The following ETV4 variants were observed in gnomAD, a reference collection of about 807,000 sequenced individuals.
ETV4 encodes the protein ETS variant transcription factor 4.
A neutral mutation model predicts 65.9 loss-of-function variants in ETV4; 42 were observed. The observed-to-expected ratio is 0.64, with a 90% CI of 0.50 to 0.82. ETV4 has a LOEUF of 0.82. Among genes scored for constraint, ETV4 ranks in the 40% least tolerant of loss-of-function variants. ETV4 has a pLI of 0.00. For synonymous variants in ETV4, 238 were observed against 260.0 expected (o/e 0.92, Z 0.81); for missense variants, 583 against 630.3 (o/e 0.92, Z 0.80).
In ETV4 at chr17:43,545,370, G is replaced by A. The variant is rs374666792; in HGVS notation, c.61-3C>T. On this transcript the variant is annotated splice_region_variant and splice_polypyrimidine_tract_variant and intron_variant, in intron 2 of 12. Coordinates refer to ENST00000319349, the MANE Select transcript of ETV4 (RefSeq NM_001079675.5). ...AAGCTCCCATTTCCGGGCGATTTCTGCGAGAAGCGGGGAGAATGCCCGCGA... is the reference window on the plus strand; with the variant it reads ...AAGCTCCCATTTCCGGGCGATTTCTACGAGAAGCGGGGAGAATGCCCGCGA... 1.1e-5 allele frequency: 18 copies of A among 1,584,222 alleles called. No homozygotes were observed. The African/African-American group carries it at 2.3e-4, about 20-fold the overall frequency.
chr17:43,543,179 G>A (rs1294688340), intron 4 of ETV4, among the ~76,000 whole-genome samples: 2 of 150,916 alleles, frequency 1.3e-5, no homozygotes, highest in Non-Finnish European at 1.5e-5. Flanking sequence ...AGATCCCAGC[G>A]CCCACCCCCC....
chr17:43,545,362 C>A lies in ETV4; in HGVS notation c.66G>T (p.Ser22=), dbSNP rs765158515. 14 of 1,592,186 alleles carry A rather than the reference C, an allele frequency of 8.8e-6. 1 individual carries two copies. In the South Asian group the frequency reaches 1.6e-4, roughly 18 times the overall value. The change falls in exon 3 of 13, where the codon TCG becomes TCT. Residue 22 remains serine, a synonymous_variant. Transcript: ENST00000319349. ...CTTCGCGCAAGCTCCCATTTCCGGGCGATTTCTGCGAGAAGCGGGGAGAAT... is the reference window on the plus strand; with the variant it reads ...CTTCGCGCAAGCTCCCATTTCCGGGAGATTTCTGCGAGAAGCGGGGAGAAT... The part of the protein sequence containing the change: ...QQVPYTFSSK[S]PGNGSLREAL...
intron 4 of ETV4, among the ~76,000 whole-genome samples, chr17:43,538,140 CAAAAAAA>C (rs34924870): frequency 9.0e-6 from 1 of 110,750 alleles, no homozygotes; most frequent in Admixed American, 9.5e-5. Flanking sequence ...GACTCCATTT[CAAAAAAA>C]AAAAAAAAAA....
At chr17:43,543,717 C>T (rs141928235) in intron 4 of ETV4, among the ~76,000 whole-genome samples, 5 of 152,270 alleles carry the variant, frequency 3.3e-5, no homozygotes, top group African/African-American at 9.6e-5. Context: ...CTTGCAGGGT[C>T]GGGGATGATG....
At chr17:43,543,276 A>ACTCTCTCTCTCTCTCT (rs60214474) in intron 4 of ETV4, among the ~76,000 whole-genome samples, 212 of 138,250 alleles carry the variant, frequency 1.5e-3, no homozygotes, top group African/African-American at 5.4e-3. Flanking sequence ...ACACACACAC[A>ACTCTCTCTCTCTCTCT]CTCTCTCTCT....
chr17:43,545,418 G>T, intron 2 of ETV4, 51 bp from the exon 3 acceptor site: 1 of 1,496,068 alleles, frequency 6.7e-7, no homozygotes, highest in Non-Finnish European at 9.1e-7. Flanking sequence ...CGCTTAGTCT[G>T]GGGGACGAGG....
intron 11 of ETV4, 67 bp downstream of exon 11, chr17:43,529,437 C>T: frequency 6.5e-7 from 1 of 1,544,762 alleles, no homozygotes; most frequent in Non-Finnish European, 8.8e-7. Flanking sequence ...GCCACCATTT[C>T]CCAGGTTCTC....
At chr17:43,534,030 A>G in intron 5 of ETV4, 45 bp from the exon 6 acceptor site, 1 of 1,463,128 alleles carries the variant, frequency 6.8e-7, no homozygotes, top group African/African-American at 1.5e-5. Context: ...CCTGTCACAC[A>G]AGAGGCAGGC....
Position 43,528,282 on chromosome 17 carries a change from G to C in ETV4, c.*237C>G. On this transcript the variant is annotated 3_prime_UTR_variant, in exon 13 of 13. Coordinates refer to ENST00000319349, the MANE Select transcript of ETV4 (RefSeq NM_001079675.5). Reference sequence around the variant, plus strand: ...AAGAAGCTGAGCTGAATTCCTCCAGGGCCCAGGTGAAACCCCCAGGGGAGT... The same window carrying C: ...AAGAAGCTGAGCTGAATTCCTCCAGCGCCCAGGTGAAACCCCCAGGGGAGT... 2.3e-6 allele frequency: 1 copy of C among 441,792 alleles called. No homozygotes were observed. Among genetic ancestry groups the C allele is most frequent in the Non-Finnish European group, 4.0e-6 (1 of 249,442 alleles). 27.4% of individuals were successfully genotyped at this position (441,792 alleles called of 1,614,324 possible).
At position 43,528,587 on chromosome 17, in the gene ETV4, G is replaced by A. The variant is rs770702451; in HGVS notation, c.1387C>T (p.Pro463Ser). The change falls in exon 13 of 13, where the codon CCC becomes TCC. Residue 463 changes from proline to serine, a missense_variant. Pro to Ser is a moderately conservative substitution (Grantham distance 74). Transcript: ENST00000319349. ...TVPLSHLDESPAYLPELAGPA... is the reference protein window; with the variant it reads ...TVPLSHLDESSAYLPELAGPA... ...CCAGCCAGCTCTGGGAGGTAGGCGG[G>A]GCTCTCATCCAAGTGGGACAAAGGG... 1 of 1,613,962 alleles carries A rather than the reference G, an allele frequency of 6.2e-7. No individual in the cohort carries two copies. Among genetic ancestry groups the A allele is most frequent in the Non-Finnish European group, 8.5e-7 (1 of 1,180,002 alleles).
In ETV4 at chr17:43,532,525, A is replaced by T. The variant is rs1459931984; in HGVS notation, c.811+149T>A. On this transcript the variant is annotated intron_variant, in intron 8 of 12. Transcript: ENST00000319349. ...AAAAAAAAGAAAAAGAAAGAAAAATAACATTCTTTTGAAATTATGAAGAAA... is the reference window on the plus strand; with the variant it reads ...AAAAAAAAGAAAAAGAAAGAAAAATTACATTCTTTTGAAATTATGAAGAAA... The T allele has an allele frequency of 2.1e-5, 16 of 758,150 alleles. No individual in the cohort carries two copies. The South Asian group carries it at 3.2e-4, about 15-fold the overall frequency. 47.0% of individuals were successfully genotyped at this position (758,150 alleles called of 1,614,324 possible).
In ETV4 at chr17:43,544,657, T is replaced by C. The variant is rs541746436; in HGVS notation, c.202+318A>G. On this transcript the variant is annotated intron_variant, in intron 4 of 12. Transcript: ENST00000319349. ...GCTTCTGCAAAACAAACTTTACAAA[T>C]GAAAATTTCAACCAGGAAAATGGGC... 5.4e-4 allele frequency: 132 copies of C among 246,068 alleles called. No individual in the cohort carries two copies. In the South Asian group the frequency reaches 0.01, roughly 19 times the overall value. 15.2% of individuals were successfully genotyped at this position (246,068 alleles called of 1,614,324 possible). A position where few individuals can be genotyped will look rare whatever the true frequency, so the allele number is the denominator to read the frequency against.
At position 43,533,248 on chromosome 17, in the gene ETV4, A is replaced by G. The variant is rs998796928; in HGVS notation, c.484T>C (p.Phe162Leu). Residue 162 changes from phenylalanine (F) to leucine (L), a missense_variant, in exon 7 of 13, where the codon TTC becomes CTC. Coordinates refer to ENST00000319349, the MANE Select transcript of ETV4 (RefSeq NM_001079675.5). The part of the protein sequence containing the change: ...QPFPRAEQRN[F>L]LRSSGTSQPH... ...TGGGAGGTGCCAGAGGATCTCAGGAAATTCCGTTGCTCTGCCCGGGGAAAG... is the reference window on the plus strand; with the variant it reads ...TGGGAGGTGCCAGAGGATCTCAGGAGATTCCGTTGCTCTGCCCGGGGAAAG... 7 of 1,613,796 alleles carry G rather than the reference A, an allele frequency of 4.3e-6. No individual in the cohort carries two copies. In the African/African-American group the frequency reaches 8.0e-5, roughly 18 times the overall value.
chr17:43,530,609 C>CGTGT (rs58803566), intron 8 of ETV4, among the ~76,000 whole-genome samples: 1 of 118,996 alleles, frequency 8.4e-6, no homozygotes, highest in African/African-American at 3.6e-5. Context: ...TGCACGCGCG[C>CGTGT]GTGTGTGTGT....
Position 43,532,817 on chromosome 17 carries a change from T to C in ETV4, c.668A>G (p.Gln223Arg). Residue 223 changes from glutamine (Q) to arginine (R), a missense_variant, in exon 8 of 13, where the codon CAG becomes CGG. Gln to Arg is a conservative substitution (Grantham distance 43, BLOSUM62 1). Transcript: ENST00000319349. ...LSEPCPPYPQ[Q>R]SFKQEYHDPL... ...ATCATGGTATTCTTGCTTAAAGCTC[T>C]GCTGGGGATAGGGTGGGCAGGGCTC... 1 of 1,614,042 alleles carries C rather than the reference T, an allele frequency of 6.2e-7. No individual in the cohort carries two copies. The highest frequency in any genetic ancestry group is 8.5e-7 in the Non-Finnish European group (1 of 1,179,980).
At chr17:43,538,285 G>A (rs1273498000) in intron 4 of ETV4, among the ~76,000 whole-genome samples, 5 of 152,206 alleles carry the variant, frequency 3.3e-5, no homozygotes, top group Non-Finnish European at 5.9e-5. Flanking sequence ...CCAGCCTGGC[G>A]ACAGAGCAAG....
chr17:43,528,579 G>A lies in ETV4; in HGVS notation c.1395C>T (p.Tyr465=), dbSNP rs1429281171. 1.2e-6 allele frequency: 2 copies of A among 1,614,034 alleles called. No individual in the cohort carries two copies. Among genetic ancestry groups the A allele is most frequent in the East Asian group, 2.2e-5 (1 of 44,888 alleles). Residue 465 remains tyrosine (Y), a synonymous_variant, in exon 13 of 13, where the codon TAC becomes TAT. Coordinates refer to ENST00000319349, the MANE Select transcript of ETV4 (RefSeq NM_001079675.5). ...PLSHLDESPA[Y]LPELAGPAQP... ...GGGCGGGGCCAGCCAGCTCTGGGAG[G>A]TAGGCGGGGCTCTCATCCAAGTGGG...
chr17:43,542,359 C>G (rs1183046645), intron 4 of ETV4, among the ~76,000 whole-genome samples: 1 of 152,158 alleles, frequency 6.6e-6, no homozygotes, highest in African/African-American at 2.4e-5. Context: ...GGGTCATGGC[C>G]TAGAGTCAAT....
intron 4 of ETV4, among the ~76,000 whole-genome samples, chr17:43,542,844 A>G (rs945212686): frequency 1.3e-5 from 2 of 152,018 alleles, no homozygotes; most frequent in African/African-American, 4.8e-5. Context: ...AAAAAACCAA[A>G]CTGAGAAAGG....
Sources: allele counts gnomAD v4.1 joint callset (sites outside exome capture counted in the v4.1 genomes callset), GRCh38; gene constraint gnomAD v4.1.1; transcripts MANE v1.5; gene names NCBI Gene and HGNC (gene_info 2026-07-23, HGNC 2026-07-21).